SAE1: variants seen among roughly 807,000 people sequenced by gnomAD.
SAE1 encodes SUMO1 activating enzyme subunit 1.
SAE1 carries 11 observed loss-of-function variants against 40.6 expected under a neutral mutation model. That is an observed-to-expected ratio of 0.27 (90% CI 0.17 to 0.45). The LOEUF is 0.45. Ranked by LOEUF, SAE1 falls within the 20% of genes least tolerant of loss-of-function variation. The pLI, the probability that SAE1 is intolerant of heterozygous loss-of-function variation, is 1.00. For missense variants in SAE1, 373 were observed against 427.3 expected (o/e 0.87, Z 1.12); for synonymous variants, 155 against 154.3 (o/e 1.00, Z -0.03).
chr19:47,165,844 G>T (rs890185433), intron 5 of SAE1, among the ~76,000 whole-genome samples: 19 of 152,128 alleles, frequency 1.2e-4, no homozygotes, highest in African/African-American at 4.6e-4. Context: ...TAAAGACCAG[G>T]GCCACTGGGC....
At chr19:47,173,570 C>A (rs2058448564) in intron 6 of SAE1, among the ~76,000 whole-genome samples, 1 of 152,128 alleles carries the variant, frequency 6.6e-6, no homozygotes. Context: ...TACTGACATT[C>A]TGTGCTGGAT....
At chr19:47,163,457 G>A (rs1000346821) in intron 5 of SAE1, among the ~76,000 whole-genome samples, 1 of 152,170 alleles carries the variant, frequency 6.6e-6, no homozygotes, top group Non-Finnish European at 1.5e-5. Flanking sequence ...GCCAGGCGCA[G>A]TGCCTCACGC....
At chr19:47,160,888 G>A (rs1193259191) in intron 5 of SAE1, among the ~76,000 whole-genome samples, 3 of 152,212 alleles carry the variant, frequency 2.0e-5, no homozygotes, top group Non-Finnish European at 4.4e-5. Flanking sequence ...ATAGGGCAAC[G>A]AGGGGTGTAA....
In SAE1 at chr19:47,143,550, C is replaced by T; in HGVS notation, c.155C>T (p.Ala52Val). Reference sequence around the variant, plus strand: ...TTGAAAGGACTTGGGGCTGAAATTGCCAAGAATCTCATCTTGGCAGGAGTG... The same window carrying T: ...TTGAAAGGACTTGGGGCTGAAATTGTCAAGAATCTCATCTTGGCAGGAGTG... ...VGLKGLGAEI[A>V]KNLILAGVKG... The change falls in exon 2 of 9, where the codon GCC (alanine) becomes GTC (valine). Residue 52 changes from alanine to valine, a missense_variant. Around this residue, in one of 3 missense-constraint regions of SAE1, gnomAD observed 351 missense variants for 390.6 expected, o/e 0.90. Coordinates refer to ENST00000270225, the MANE Select transcript of SAE1 (RefSeq NM_005500.3). 6.2e-7 allele frequency: 1 copy of T among 1,614,026 alleles called. No individual in the cohort carries two copies. The highest frequency in any genetic ancestry group is 2.2e-5 in the East Asian group (1 of 44,880).
intron 6 of SAE1, among the ~76,000 whole-genome samples, chr19:47,186,326 G>C (rs978146681): frequency 4.6e-5 from 7 of 152,114 alleles, no homozygotes; most frequent in Non-Finnish European, 8.8e-5. Flanking sequence ...CTATTGGTAA[G>C]TACAATGCAA....
intron 2 of SAE1, among the ~76,000 whole-genome samples, chr19:47,148,853 A>T (rs1266829367): frequency 6.7e-6 from 1 of 149,694 alleles, no homozygotes; most frequent in African/African-American, 2.4e-5. Flanking sequence ...ACCTCAGGTG[A>T]TCTGCCTGCC....
At chr19:47,185,281 C>T (rs1297457361) in intron 6 of SAE1, among the ~76,000 whole-genome samples, 2 of 151,924 alleles carry the variant, frequency 1.3e-5, no homozygotes, top group African/African-American at 2.4e-5. Flanking sequence ...AACCCAAAAT[C>T]TGAATTTTTT....
At position 47,199,946 on chromosome 19, in the gene SAE1, T is replaced by G. The variant is rs539916920; in HGVS notation, c.878+2569T>G. ...GTTTAGATGATGGCTTTTTTTTTTT[T>G]TGGAGACAGAGTCTCGCTCTGTCCC... On this transcript the variant is annotated intron_variant, in intron 7 of 8. Coordinates refer to ENST00000270225, the MANE Select transcript of SAE1 (RefSeq NM_005500.3). Among the ~76,000 whole-genome samples the G allele has an allele frequency of 3.6e-4, 55 of 152,030 alleles. No individual in the cohort carries two copies. The East Asian group carries it at 5.8e-3, about 16-fold the overall frequency.
intron 8 of SAE1, among the ~76,000 whole-genome samples, chr19:47,206,830 C>T (rs1278576563): frequency 6.6e-6 from 1 of 152,194 alleles, no homozygotes; most frequent in Admixed American, 6.5e-5. Context: ...GTGCTCGGCA[C>T]TTTACAAGCC....
At chr19:47,136,794 C>G (rs1032404175) in intron 1 of SAE1, among the ~76,000 whole-genome samples, 1 of 152,142 alleles carries the variant, frequency 6.6e-6, no homozygotes, top group Non-Finnish European at 1.5e-5. Flanking sequence ...CCGGCCTTCA[C>G]CTGAGTCTTA....
intron 5 of SAE1, among the ~76,000 whole-genome samples, chr19:47,158,666 C>T (rs1173708335): frequency 6.6e-6 from 1 of 152,224 alleles, no homozygotes; most frequent in Non-Finnish European, 1.5e-5. Context: ...ACTGCCGCAG[C>T]CAGCTCCTTC....
In SAE1 at chr19:47,167,946, A is replaced by T. The variant is rs112297259; in HGVS notation, c.628-1872A>T. Among the ~76,000 whole-genome samples the T allele has an allele frequency of 7.1e-3, 1,088 of 152,226 alleles. 11 individuals are homozygous for T. Among genetic ancestry groups the T allele is most frequent in the African/African-American group, 0.025 (1,051 of 41,542 alleles). ...AGTGGCTCACGCCTATAATCCCAACACTTTGGGAGACCGAGGCAGGCAGAT... is the reference window on the plus strand; with the variant it reads ...AGTGGCTCACGCCTATAATCCCAACTCTTTGGGAGACCGAGGCAGGCAGAT... On this transcript the variant is annotated intron_variant, in intron 5 of 8. Transcript: ENST00000270225.
At chr19:47,189,071 C>T (rs2058562380) in intron 6 of SAE1, among the ~76,000 whole-genome samples, 1 of 152,234 alleles carries the variant, frequency 6.6e-6, no homozygotes, top group Non-Finnish European at 1.5e-5. Context: ...GCACCTGGCA[C>T]AGTCATTGCT....
intron 7 of SAE1, among the ~76,000 whole-genome samples, chr19:47,200,686 A>G (rs2058648212): frequency 6.6e-6 from 1 of 152,264 alleles, no homozygotes; most frequent in South Asian, 2.1e-4. Context: ...TTAATTTGGA[A>G]TAGCCCTTGG....
intron 6 of SAE1, among the ~76,000 whole-genome samples, chr19:47,186,652 A>G (rs116921808): frequency 1.3e-5 from 2 of 152,144 alleles, no homozygotes; most frequent in Admixed American, 6.5e-5. Context: ...TTCCCCATCA[A>G]CAACTTTCAT....
intron 6 of SAE1, among the ~76,000 whole-genome samples, chr19:47,174,191 A>G (rs1041844506): frequency 6.6e-6 from 1 of 151,960 alleles, no homozygotes; most frequent in African/African-American, 2.4e-5. Flanking sequence ...ACTCTCTCCC[A>G]GATGGCATTA....
At chr19:47,180,172 G>T in intron 6 of SAE1, 1 of 456,226 alleles carries the variant, frequency 2.2e-6, no homozygotes. Flanking sequence ...TGTTGAGAGG[G>T]TTTATGCCCA....
intron 5 of SAE1, among the ~76,000 whole-genome samples, chr19:47,157,714 G>T (rs2058332551): frequency 6.6e-6 from 1 of 152,234 alleles, no homozygotes; most frequent in South Asian, 2.1e-4. Flanking sequence ...CCTACGTGGA[G>T]CTGAGCTGGA....
rs375709871 is a variant in SAE1 at position 47,150,248 on chromosome 19, C to T, written c.257C>T (p.Ser86Phe). Residue 86 changes from serine (S) to phenylalanine (F), a missense_variant, in exon 3 of 9, where the codon TCT (serine) becomes TTT (phenylalanine). This residue lies in a region of SAE1 where 351 missense variants were observed against 390.6 expected (regional missense o/e 0.90). Coordinates refer to ENST00000270225, the MANE Select transcript of SAE1 (RefSeq NM_005500.3). Reference sequence around the variant, plus strand: ...GCTCAGTTCTTGATTCGTACTGGGTCTGTTGGCCGAAATAGGGCTGAAGCC... The same window carrying T: ...GCTCAGTTCTTGATTCGTACTGGGTTTGTTGGCCGAAATAGGGCTGAAGCC... ...PGAQFLIRTG[S>F]VGRNRAEASL... The T allele has an allele frequency of 3.5e-5, 56 of 1,613,068 alleles. No homozygotes were observed. The highest frequency in any genetic ancestry group is 1.2e-5 in the Non-Finnish European group (14 of 1,179,782).
Sources: allele counts gnomAD v4.1 joint callset (sites outside exome capture counted in the v4.1 genomes callset), GRCh38; gene constraint gnomAD v4.1.1; regional missense constraint gnomAD v4.1.1; transcripts MANE v1.5; gene names NCBI Gene and HGNC (gene_info 2026-07-23, HGNC 2026-07-21).